The following BIRC6 variants were observed in gnomAD, a reference collection of about 807,000 sequenced individuals.
BIRC6 encodes the protein baculoviral IAP repeat containing 6, also known as dual E2 ubiquitin-conjugating enzyme/E3 ubiquitin-protein ligase BIRC6.
Under a neutral mutation model 503.3 loss-of-function variants are expected in BIRC6, and 98 were observed. The ratio of observed to expected loss-of-function variants is 0.19; its 90% confidence interval spans 0.17 to 0.23. BIRC6 has a LOEUF of 0.23. Ranked by LOEUF, BIRC6 falls within the 10% of genes least tolerant of loss-of-function variation. The pLI is 1.00. For missense variants in BIRC6, 5,360 were observed against 5,806.0 expected, an observed-to-expected ratio of 0.92 and a Z score of 2.50; for synonymous variants, 2,240 against 2,078.7, an observed-to-expected ratio of 1.08 and a Z score of -2.11.
chr2:32,429,618 T>C (rs888170436), intron 11 of BIRC6, among the ~76,000 whole-genome samples: 2 of 152,138 alleles, frequency 1.3e-5, no homozygotes, highest in African/African-American at 4.8e-5. Flanking sequence ...GAGGATATAT[T>C]TAGGTGGTAT....
In BIRC6 at chr2:32,406,475, G is replaced by GTTTA. The variant is rs767973888; in HGVS notation, c.1419-23_1419-20dup. The GTTTA allele has an allele frequency of 3.8e-4, 590 of 1,568,574 alleles. 1 individual carries two copies. The highest frequency in any genetic ancestry group is 4.3e-4 in the Non-Finnish European group (491 of 1,143,222). ...GTATACTTTTTTTGAAATTCAAATT[G>GTTTA]TTTACTTTGTTTTTTGATTTAAGTG... On this transcript the variant is annotated intron_variant, in intron 8 of 73. Coordinates refer to ENST00000421745, the MANE Select transcript of BIRC6 (RefSeq NM_016252.4).
intron 65 of BIRC6, chr2:32,574,893 A>T (rs1256903513): frequency 1.3e-5 from 6 of 453,244 alleles, no homozygotes; most frequent in Non-Finnish European, 2.0e-5. Flanking sequence ...GATTACAGGC[A>T]TGCGCCATCC....
chr2:32,585,580 A>G (rs1057379672), intron 66 of BIRC6, among the ~76,000 whole-genome samples: 10 of 152,136 alleles, frequency 6.6e-5, no homozygotes, highest in East Asian at 3.9e-4. Flanking sequence ...GGATTTTGCC[A>G]TGTTGGCCAG....
At chr2:32,457,529 GTA>G (rs1292152439) in intron 23 of BIRC6, among the ~76,000 whole-genome samples, 9 of 152,122 alleles carry the variant, frequency 5.9e-5, no homozygotes, top group African/African-American at 2.2e-4. Flanking sequence ...GATTCCAGAA[GTA>G]TATGTTTTTT....
intron 51 of BIRC6, 63 bp downstream of exon 51, chr2:32,508,322 G>A: frequency 7.1e-7 from 1 of 1,399,114 alleles, no homozygotes; most frequent in Non-Finnish European, 9.2e-7. Flanking sequence ...TGGGAGATAG[G>A]GGACTTAATT....
intron 59 of BIRC6, 30 bp downstream of exon 59, chr2:32,525,658 G>A (rs879849248): frequency 6.3e-7 from 1 of 1,586,838 alleles, no homozygotes; most frequent in South Asian, 1.2e-5. Context: ...AAACGTCAAA[G>A]AAATTTTAGT....
intron 23 of BIRC6, among the ~76,000 whole-genome samples, chr2:32,460,933 G>A (rs767102025): frequency 3.3e-5 from 5 of 151,600 alleles, no homozygotes; most frequent in Admixed American, 6.6e-5. Context: ...ACACTTGAAG[G>A]AGCAGATGAT....
chr2:32,401,470 T>TA lies in BIRC6; in HGVS notation c.1268dup (p.Phe424ValfsTer2). 1 of 1,613,850 alleles carries TA rather than the reference T, an allele frequency of 6.2e-7. No homozygotes were observed. The highest frequency in any genetic ancestry group is 8.5e-7 in the Non-Finnish European group (1 of 1,179,830). The stretch of plus-strand genomic sequence containing the variant: ...GGCTTTTCATTTGTTTAGGTGCACT[T>TA]AAAGTTTGAAATTAATGCCTATGAT... On this transcript the variant is annotated frameshift_variant, in exon 8 of 74. Transcript: ENST00000421745. LOFTEE classifies it high-confidence loss of function.
At position 32,485,877 on chromosome 2, in the gene BIRC6, AG is replaced by A. The variant is rs2050928610; in HGVS notation, c.7813+119del. 4 of 645,100 alleles carry A rather than the reference AG, an allele frequency of 6.2e-6. No homozygotes were observed. In the East Asian group the frequency reaches 1.1e-4, roughly 18 times the overall value. The allele number at this position is 645,100 out of a possible 1,614,324, so 40.0% of individuals were successfully genotyped here. On this transcript the variant is annotated intron_variant, in intron 40 of 73. Coordinates refer to ENST00000421745, the MANE Select transcript of BIRC6 (RefSeq NM_016252.4). ...CCATGATGTGAGTCTGAGGGGACTT[AG>A]TATGTAGCACTTTCCTGGCTCCGAG...
At chr2:32,478,457 G>C (rs751046758) in intron 35 of BIRC6, among the ~76,000 whole-genome samples, 178 bp from the exon 36 acceptor site, 10 of 152,220 alleles carry the variant, frequency 6.6e-5, no homozygotes, top group Non-Finnish European at 1.5e-4. Context: ...TTTAATATTT[G>C]ATTCATGAAA....
At position 32,440,751 on chromosome 2, in the gene BIRC6, T is replaced by TTTATTATTATTATTATTA. The variant is rs769945864; in HGVS notation, c.3811-566_3811-549dup. Among the ~76,000 whole-genome samples the TTTATTATTATTATTATTA allele has an allele frequency of 8.4e-3, 1,237 of 147,166 alleles. 10 individuals are homozygous for TTTATTATTATTATTATTA. Among genetic ancestry groups the TTTATTATTATTATTATTA allele is most frequent in the African/African-American group, 0.016 (632 of 39,544 alleles). ...TATTTTATTTTATTGTGTTTATTTA[T>TTTATTATTATTATTATTA]TTATTATTATTATTATTATTATTAT... On this transcript the variant is annotated intron_variant, in intron 16 of 73. Coordinates refer to ENST00000421745, the MANE Select transcript of BIRC6 (RefSeq NM_016252.4).
intron 70 of BIRC6, 130 bp downstream of exon 70, chr2:32,600,030 C>T (rs917301344): frequency 1.6e-5 from 13 of 813,400 alleles, no homozygotes; most frequent in African/African-American, 6.9e-5. Context: ...CTCTTCCCTA[C>T]GTCCAGATTA....
At chr2:32,573,307 C>G (rs1183958028) in intron 65 of BIRC6, among the ~76,000 whole-genome samples, 2 of 152,114 alleles carry the variant, frequency 1.3e-5, no homozygotes, top group Non-Finnish European at 2.9e-5. Flanking sequence ...AAGCGATTCT[C>G]CTGCCTCAGT....
At chr2:32,369,647 C>T (rs796833418) in intron 1 of BIRC6, among the ~76,000 whole-genome samples, 47 of 151,700 alleles carry the variant, frequency 3.1e-4, no homozygotes, top group African/African-American at 1.1e-3. Flanking sequence ...AGGCTGGTCT[C>T]GAACTCCTGA....
chr2:32,524,880 T>C lies in BIRC6; in HGVS notation c.11624-8T>C. ...AAGCAGTGTATTTTAGATAATATCT[T>C]CTTACAGATACTCCAAGTATCACAG... On this transcript the variant is annotated splice_polypyrimidine_tract_variant and splice_region_variant and intron_variant, in intron 57 of 73. Transcript: ENST00000421745. 1 of 1,428,120 alleles carries C rather than the reference T, an allele frequency of 7.0e-7. No individual in the cohort carries two copies. Among genetic ancestry groups the C allele is most frequent in the Non-Finnish European group, 9.3e-7 (1 of 1,069,656 alleles). The allele number at this position is 1,428,120 out of a possible 1,614,324, so 88.5% of individuals were successfully genotyped here. A position where few individuals can be genotyped will look rare whatever the true frequency, so the allele number is the denominator to read the frequency against.
intron 65 of BIRC6, among the ~76,000 whole-genome samples, chr2:32,572,123 A>T (rs1201033972): frequency 6.6e-6 from 1 of 152,166 alleles, no homozygotes; most frequent in South Asian, 2.1e-4. Context: ...AAATTTTGTT[A>T]AGACTCCTTT....
intron 21 of BIRC6, among the ~76,000 whole-genome samples, chr2:32,447,693 G>A (rs1261266877): frequency 9.5e-6 from 1 of 105,316 alleles, no homozygotes; most frequent in Non-Finnish European, 2.0e-5. Flanking sequence ...GCGGCTGGCC[G>A]GGCGGGGGGC....
In BIRC6 at chr2:32,453,754, A is replaced by T. The variant is rs114417101; in HGVS notation, c.4619-54A>T. The stretch of plus-strand genomic sequence containing the variant: ...TGCAGCTATAATTATTGTTGTGACT[A>T]TTGCTTTTTAAAAATTATCTTCACG... On this transcript the variant is annotated intron_variant, in intron 22 of 73. Coordinates refer to ENST00000421745, the MANE Select transcript of BIRC6 (RefSeq NM_016252.4). 1,068 of 1,544,988 alleles carry T rather than the reference A, an allele frequency of 6.9e-4. 5 individuals are homozygous for T. The African/African-American group carries it at 0.012, about 18-fold the overall frequency.
chr2:32,416,637 T>C (rs1438824260), intron 10 of BIRC6, among the ~76,000 whole-genome samples: 1 of 152,162 alleles, frequency 6.6e-6, no homozygotes, highest in African/African-American at 2.4e-5. Flanking sequence ...ATTTTTAGTT[T>C]TGCTAAATAC....
Sources: allele counts gnomAD v4.1 joint callset (sites outside exome capture counted in the v4.1 genomes callset), GRCh38; gene constraint gnomAD v4.1.1; transcripts MANE v1.5; gene names NCBI Gene and HGNC (gene_info 2026-07-23, HGNC 2026-07-21).